TOP1: variants seen among roughly 807,000 people sequenced by gnomAD.
TOP1 encodes DNA topoisomerase 1.
A neutral mutation model predicts 111.1 loss-of-function variants in TOP1; 10 were observed. The observed-to-expected ratio is 0.09, with a 90% CI of 0.06 to 0.15. The LOEUF (loss-of-function observed/expected upper bound fraction) is 0.15. Ranked by LOEUF, TOP1 falls within the 10% of genes least tolerant of loss-of-function variation. The probability of loss-of-function intolerance (pLI) is 1.00; values close to 1 mark genes in which losing one functional copy is unlikely to be tolerated. For missense variants in TOP1, 474 were observed against 926.7 expected, an observed-to-expected ratio of 0.51 and a Z score of 6.34; for synonymous variants, 271 against 302.9, an observed-to-expected ratio of 0.89 and a Z score of 1.10.
chr20:41,050,031 T>C (rs772586733), intron 2 of TOP1, among the ~76,000 whole-genome samples: 80 of 152,262 alleles, frequency 5.3e-4, no homozygotes, highest in Non-Finnish European at 1.1e-3. Flanking sequence ...TTTTGTTTTA[T>C]GTTGAGGCAG....
chr20:41,108,136 G>A (rs1334119305), intron 13 of TOP1, among the ~76,000 whole-genome samples: 1 of 152,150 alleles, frequency 6.6e-6, no homozygotes, highest in Non-Finnish European at 1.5e-5. Flanking sequence ...GCTTTAGGTC[G>A]GCTATATGGG....
Position 41,100,630 on chromosome 20 carries a change from A to G in TOP1, c.1163+387A>G, listed in dbSNP as rs543524279. 9.8e-5 allele frequency: 17 copies of G among 172,796 alleles called. No homozygotes were observed. The highest frequency in any genetic ancestry group is 3.3e-4 in the African/African-American group (14 of 42,326). The allele number at this position is 172,796 out of a possible 1,614,324, so 10.7% of individuals were successfully genotyped here. A position where few individuals can be genotyped will look rare whatever the true frequency, so the allele number is the denominator to read the frequency against. Reference sequence around the variant, plus strand: ...ACGACTTTCTTTTTCCTTCTTCACAATTTCACAGATGGAAGGTTAATTCTT... The same window carrying G: ...ACGACTTTCTTTTTCCTTCTTCACAGTTTCACAGATGGAAGGTTAATTCTT... On this transcript the variant is annotated intron_variant, in intron 12 of 20. Transcript: ENST00000361337. This position sits in a 1 kb window ranked among gnomAD's most constrained non-coding sequence, Gnocchi z 4.4.
chr20:41,104,048 A>G (rs2034106409), intron 13 of TOP1, among the ~76,000 whole-genome samples: 1 of 152,180 alleles, frequency 6.6e-6, no homozygotes, highest in African/African-American at 2.4e-5. Context: ...CCACTGTTCA[A>G]AGTCCTTTAA....
Position 41,097,524 on chromosome 20 carries a change from A to T in TOP1, c.852+183A>T, listed in dbSNP as rs1047444301. 5.3e-5 allele frequency among the ~76,000 whole-genome samples: 8 copies of T among 152,122 alleles called. No individual in the cohort carries two copies. The highest frequency in any genetic ancestry group is 1.9e-4 in the African/African-American group (8 of 41,436). ...TTATGTAGGGTTTCTGTCCAACAAGAGTACTTGTATATCTTTGCTATTGGC... is the reference window on the plus strand; with the variant it reads ...TTATGTAGGGTTTCTGTCCAACAAGTGTACTTGTATATCTTTGCTATTGGC... On this transcript the variant is annotated intron_variant, in intron 10 of 20. Coordinates refer to ENST00000361337, the MANE Select transcript of TOP1 (RefSeq NM_003286.4). This position sits in a 1 kb window ranked among gnomAD's most constrained non-coding sequence, Gnocchi z 4.2.
chr20:41,029,741 G>A lies in TOP1; in HGVS notation c.58+286G>A. ...GGCCGGGATTCCTCCCGGGAAAGTC[G>A]CCTTGTCGACGGTCGGGACTTAGTC... is the stretch of plus-strand genomic sequence containing the variant. On this transcript the variant is annotated intron_variant, in intron 2 of 20. Coordinates refer to ENST00000361337, the MANE Select transcript of TOP1 (RefSeq NM_003286.4). The surrounding 1 kb of genome is among the most constrained non-coding windows in gnomAD (Gnocchi z 6.1). The A allele has an allele frequency of 1.9e-6, 1 of 527,050 alleles. No individual in the cohort carries two copies. The highest frequency in any genetic ancestry group is 3.6e-5 in the East Asian group (1 of 27,920). 32.6% of individuals were successfully genotyped at this position (527,050 alleles called of 1,614,324 possible).
intron 3 of TOP1, among the ~76,000 whole-genome samples, chr20:41,063,620 T>C (rs2033572498): frequency 6.6e-6 from 1 of 152,242 alleles, no homozygotes; most frequent in African/African-American, 2.4e-5. Context: ...TTTTGATTTT[T>C]AATAGCCATT....
At position 41,112,365 on chromosome 20, in the gene TOP1, C is replaced by T. The variant is rs1038576688; in HGVS notation, c.1309-417C>T. 6.6e-6 allele frequency among the ~76,000 whole-genome samples: 1 copy of T among 152,204 alleles called. No homozygotes were observed. Among genetic ancestry groups the T allele is most frequent in the African/African-American group, 2.4e-5 (1 of 41,454 alleles). ...TGTTGACAGAAGTTAGTTTTTGGGACATCCCATGTGGGTTTTTCCCAGGAA... is the reference window on the plus strand; with the variant it reads ...TGTTGACAGAAGTTAGTTTTTGGGATATCCCATGTGGGTTTTTCCCAGGAA... On this transcript the variant is annotated intron_variant, in intron 13 of 20. Coordinates refer to ENST00000361337, the MANE Select transcript of TOP1 (RefSeq NM_003286.4). This position sits in a 1 kb window ranked among gnomAD's most constrained non-coding sequence, Gnocchi z 5.8.
rs745739976 is a variant in TOP1 at position 41,080,205 on chromosome 20, CT to C, written c.431+29del. On this transcript the variant is annotated intron_variant, in intron 6 of 20. Transcript: ENST00000361337. The surrounding 1 kb of genome is among the most constrained non-coding windows in gnomAD (Gnocchi z 5.0). ...AGTGAGTATTTTCTTAAAACTTTGA[CT>C]TTTGAAAACAAAAAGGAGGAGTTTA... 1.2e-4 allele frequency: 165 copies of C among 1,399,566 alleles called. No homozygotes were observed. In the Middle Eastern group the frequency reaches 2.4e-3, roughly 21 times the overall value. 86.7% of individuals were successfully genotyped at this position (1,399,566 alleles called of 1,614,324 possible).
At chr20:41,117,158 C>T (rs2034342901) in intron 17 of TOP1, among the ~76,000 whole-genome samples, 1 of 151,948 alleles carries the variant, frequency 6.6e-6, no homozygotes, top group African/African-American at 2.4e-5. Flanking sequence ...TCCAGACCAG[C>T]CTGGGCAATG....
rs933848678 is a variant in TOP1 at position 41,092,211 on chromosome 20, T to A, written c.615-261T>A. Among the ~76,000 whole-genome samples the A allele has an allele frequency of 6.6e-6, 1 of 152,254 alleles. No individual in the cohort carries two copies. Among genetic ancestry groups the A allele is most frequent in the Admixed American group, 6.5e-5 (1 of 15,286 alleles). On this transcript the variant is annotated intron_variant, in intron 8 of 20. Coordinates refer to ENST00000361337, the MANE Select transcript of TOP1 (RefSeq NM_003286.4). The surrounding 1 kb of genome is among the most constrained non-coding windows in gnomAD (Gnocchi z 4.3). ...TGTTACTGAGCTCCTTCATTGTTGATCTCTTCTGTCCAGTATTCTTAAACT... is the reference window on the plus strand; with the variant it reads ...TGTTACTGAGCTCCTTCATTGTTGAACTCTTCTGTCCAGTATTCTTAAACT...
In TOP1 at chr20:41,097,544, A is replaced by C. The variant is rs866757302; in HGVS notation, c.852+203A>C. ...ACAAGAGTACTTGTATATCTTTGCT[A>C]TTGGCTCTCATGTGATGGCAGGTAG... On this transcript the variant is annotated intron_variant, in intron 10 of 20. Coordinates refer to ENST00000361337, the MANE Select transcript of TOP1 (RefSeq NM_003286.4). The surrounding 1 kb of genome is among the most constrained non-coding windows in gnomAD (Gnocchi z 4.2). Among the ~76,000 whole-genome samples the C allele has an allele frequency of 2.0e-5, 3 of 152,144 alleles. No homozygotes were observed. The highest frequency in any genetic ancestry group is 6.5e-5 in the Admixed American group (1 of 15,274).
rs1020967185 is a variant in TOP1, at chr20:41,097,308, A to G, written c.819A>G (p.Ile273Met). The change falls in exon 10 of 21, where the codon ATA becomes ATG. Residue 273 changes from isoleucine (I) to methionine (M), a missense_variant. Physicochemically the swap from Ile to Met is conservative, Grantham distance 10. Coordinates refer to ENST00000361337, the MANE Select transcript of TOP1 (RefSeq NM_003286.4). This position sits in a 1 kb window ranked among gnomAD's most constrained non-coding sequence, Gnocchi z 4.2. ...ACCATGAATATACTACCAAGGAAAT[A>G]TTTAGGAAAAATTTCTTTAAAGACT... is the stretch of plus-strand genomic sequence containing the variant. Reference protein sequence around the residue: ...MLDHEYTTKEIFRKNFFKDWR... With the variant: ...MLDHEYTTKEMFRKNFFKDWR... 1.9e-6 allele frequency: 3 copies of G among 1,613,734 alleles called. No individual in the cohort carries two copies. Among genetic ancestry groups the G allele is most frequent in the Admixed American group, 1.7e-5 (1 of 59,982 alleles).
intron 2 of TOP1, among the ~76,000 whole-genome samples, chr20:41,057,336 C>G (rs1025853093): frequency 6.6e-6 from 1 of 151,180 alleles, no homozygotes; most frequent in South Asian, 2.1e-4. Flanking sequence ...GAGCCGAGAT[C>G]ACACCACTGC....
rs1482582134 is a variant in TOP1, at chr20:41,109,074, T to G, written c.1309-3708T>G. ...ATACTCTCAGTGCCAAATACACACT[T>G]CTGCCTTTTTTCTCTTTAGAGTCTA... On this transcript the variant is annotated intron_variant, in intron 13 of 20. Transcript: ENST00000361337. This position sits in a 1 kb window ranked among gnomAD's most constrained non-coding sequence, Gnocchi z 4.1. Among the ~76,000 whole-genome samples, 1 of 152,238 alleles carries G rather than the reference T, an allele frequency of 6.6e-6. No individual in the cohort carries two copies. The highest frequency in any genetic ancestry group is 1.5e-5 in the Non-Finnish European group (1 of 68,040).
In TOP1 at chr20:41,078,426, T is replaced by C. The variant is rs1459586859; in HGVS notation, c.335+789T>C. Among the ~76,000 whole-genome samples, 5 of 152,234 alleles carry C rather than the reference T, an allele frequency of 3.3e-5. No individual in the cohort carries two copies. The highest frequency in any genetic ancestry group is 7.3e-5 in the Non-Finnish European group (5 of 68,040). The stretch of plus-strand genomic sequence containing the variant: ...ACTGGGACAAAACACTTTGAGAGTT[T>C]TGCTTCCTTGAATCTTTGAACTTTC... On this transcript the variant is annotated intron_variant, in intron 5 of 20. Coordinates refer to ENST00000361337, the MANE Select transcript of TOP1 (RefSeq NM_003286.4). The surrounding 1 kb of genome is among the most constrained non-coding windows in gnomAD (Gnocchi z 5.3).
Position 41,094,001 on chromosome 20 carries a change from C to T in TOP1, c.730+1414C>T, listed in dbSNP as rs376538060. Among the ~76,000 whole-genome samples, 9 of 152,238 alleles carry T rather than the reference C, an allele frequency of 5.9e-5. No individual in the cohort carries two copies. The South Asian group carries it at 1.2e-3, about 21-fold the overall frequency. ...CCAGGAGGCAGAGATTGCAGTGAGC[C>T]TAGATCGTGCCACTCCCCTCCAGCC... On this transcript the variant is annotated intron_variant, in intron 9 of 20. Transcript: ENST00000361337. The surrounding 1 kb of genome is among the most constrained non-coding windows in gnomAD (Gnocchi z 4.4).
At chr20:41,045,976 T>A (rs1270011428) in intron 2 of TOP1, among the ~76,000 whole-genome samples, 1 of 152,194 alleles carries the variant, frequency 6.6e-6, no homozygotes, top group East Asian at 1.9e-4. Context: ...AAAATCCGAT[T>A]GTAGCTTTGA....
rs1192549440 is a variant in TOP1, at chr20:41,046,507, C to G, written c.59-14887C>G. 1.3e-5 allele frequency among the ~76,000 whole-genome samples: 2 copies of G among 152,176 alleles called. No individual in the cohort carries two copies. Among genetic ancestry groups the G allele is most frequent in the Non-Finnish European group, 2.9e-5 (2 of 68,028 alleles). On this transcript the variant is annotated intron_variant, in intron 2 of 20. Transcript: ENST00000361337. This position sits in a 1 kb window ranked among gnomAD's most constrained non-coding sequence, Gnocchi z 4.3. ...CCCATCTCTTCACTTATGATGTGTC[C>G]TTAACAGACTAAATGCAGGCTCTGC...
At chr20:41,088,701 G>A (rs1600581716) in intron 8 of TOP1, among the ~76,000 whole-genome samples, 1 of 151,924 alleles carries the variant, frequency 6.6e-6, no homozygotes, top group Non-Finnish European at 1.5e-5. Flanking sequence ...CTGTAGGATT[G>A]GGTGGTTTCC....
Sources: gnomAD v4.1 joint callset for allele counts (sites outside exome capture counted in the v4.1 genomes callset) on GRCh38, gnomAD v4.1.1 for gene constraint, Gnocchi (gnomAD v3.1) non-coding constraint, MANE v1.5 for transcripts, NCBI Gene and HGNC (gene_info 2026-07-23, HGNC 2026-07-21) for gene names.